The following PLXND1 variants were observed in gnomAD, a reference collection of about 807,000 sequenced individuals.
PLXND1 encodes the protein plexin-D1.
Under a neutral mutation model 197.7 loss-of-function variants are expected in PLXND1, and 54 were observed. That is an observed-to-expected ratio of 0.27 (90% confidence interval 0.22 to 0.34). The LOEUF is 0.34. Ranked by LOEUF, PLXND1 falls within the 10% of genes least tolerant of loss-of-function variation. The probability of loss-of-function intolerance (pLI) is 1.00; values close to 1 mark genes in which losing one functional copy is unlikely to be tolerated. For missense variants in PLXND1, 2,127 were observed against 2,699.2 expected (o/e 0.79, Z 4.70); for synonymous variants, 1,180 against 1,161.2 (o/e 1.02, Z -0.33).
At chr3:129,556,475 C>T (rs1189804661) in intron 35 of PLXND1, 47 bp from the exon 36 acceptor site, 1 of 1,507,402 alleles carries the variant, frequency 6.6e-7, no homozygotes, top group Admixed American at 1.7e-5. Flanking sequence ...GTAGCCCTGC[C>T]TCAGTTCGTG....
Position 129,578,374 on chromosome 3 carries a change from G to C in PLXND1, c.2301C>G (p.Gly767=). 1 of 1,607,518 alleles carries C rather than the reference G, an allele frequency of 6.2e-7. No homozygotes were observed. Among genetic ancestry groups the C allele is most frequent in the South Asian group, 1.1e-5 (1 of 89,234 alleles). The change falls in exon 9 of 36, where the codon GGC becomes GGG. Residue 767 remains glycine (G), a synonymous_variant. Coordinates refer to ENST00000324093, the MANE Select transcript of PLXND1 (RefSeq NM_015103.3). The stretch of plus-strand genomic sequence containing the variant: ...CCAGAGGCACCAGGATGTTCTGGGA[G>C]CCACCCGTAGGCACGGGTGCCAGGG... ...LSPLAPVPTG[G]SQNILVPLAN... is the part of the protein sequence containing the mutation.
In PLXND1 at chr3:129,567,767, G is replaced by A; in HGVS notation, c.3904C>T (p.Arg1302Cys). 1 of 1,613,314 alleles carries A rather than the reference G, an allele frequency of 6.2e-7. No homozygotes were observed. The highest frequency in any genetic ancestry group is 8.5e-7 in the Non-Finnish European group (1 of 1,179,282). ...TGCAGCAGCGTCTTCTGCCAGTAAC[G>A]CTCAGCACGTCGGCTCTTGGTACAG... ...VFCTKSRRAE[R>C]YWQKTLLQME... is the part of the protein sequence containing the mutation. Residue 1302 changes from arginine to cysteine, a missense_variant, in exon 21 of 36, where the codon CGT becomes TGT. Arg to Cys is a radical substitution (Grantham distance 180). Around this residue, in one of 6 missense-constraint regions of PLXND1, gnomAD observed 532 missense variants for 811.0 expected, o/e 0.66. Transcript: ENST00000324093.
Position 129,565,891 on chromosome 3 carries a change from C to T in PLXND1, c.4318G>A (p.Asp1440Asn), listed in dbSNP as rs747176885. ...LEQQKDFAVR[D>N]RCSLASLLTI... is the part of the protein sequence containing the mutation. ...CCCAGTCTGTCACAGCCTGACCTGT[C>T]GCGCACCGCAAAGTCCTTCTGCTGC... The change falls in exon 24 of 36, where the codon GAC becomes AAC. Residue 1440 changes from aspartate (D) to asparagine (N), a missense_variant. Physicochemically the swap from Asp to Asn is conservative, Grantham distance 23 (BLOSUM62 1). Coordinates refer to ENST00000324093, the MANE Select transcript of PLXND1 (RefSeq NM_015103.3). 1.9e-6 allele frequency: 3 copies of T among 1,613,992 alleles called. No homozygotes were observed. Among genetic ancestry groups the T allele is most frequent in the Admixed American group, 1.7e-5 (1 of 60,014 alleles).
In PLXND1 at chr3:129,606,674, C is replaced by T; in HGVS notation, c.-35G>A. 1.1e-6 allele frequency: 1 copy of T among 883,042 alleles called. No individual in the cohort carries two copies. Among genetic ancestry groups the T allele is most frequent in the Non-Finnish European group, 1.4e-6 (1 of 737,226 alleles). 54.7% of individuals were successfully genotyped at this position (883,042 alleles called of 1,614,324 possible). A position where few individuals can be genotyped will look rare whatever the true frequency, so the allele number is the denominator to read the frequency against. ...CGCGGGCTGCGCGGCGCGGCGAGTG[C>T]ATGGGGCGAGGCGCGGCCGGGAGCC... On this transcript the variant is annotated 5_prime_UTR_variant, in exon 1 of 36. An upstream start codon of the reference 5' UTR is lost. Coordinates refer to ENST00000324093, the MANE Select transcript of PLXND1 (RefSeq NM_015103.3).
rs532359808 is a variant in PLXND1 at position 129,557,302 on chromosome 3, C to A, written c.5446-79G>T. On this transcript the variant is annotated intron_variant, in intron 33 of 35. Coordinates refer to ENST00000324093, the MANE Select transcript of PLXND1 (RefSeq NM_015103.3). This position sits in a 1 kb window ranked among gnomAD's most constrained non-coding sequence, Gnocchi z 4.8. Reference sequence around the variant, plus strand: ...GGTCGTTTTCTGGATGAGCCCTCATCCCTCCTGCCACATAAGTGACCTTAG... The same window carrying A: ...GGTCGTTTTCTGGATGAGCCCTCATACCTCCTGCCACATAAGTGACCTTAG... The A allele has an allele frequency of 2.1e-5, 32 of 1,532,554 alleles. No homozygotes were observed. Among genetic ancestry groups the A allele is most frequent in the Non-Finnish European group, 2.9e-5 (32 of 1,114,440 alleles). The allele number at this position is 1,532,554 out of a possible 1,614,324, so 94.9% of individuals were successfully genotyped here. A position where few individuals can be genotyped will look rare whatever the true frequency, so the allele number is the denominator to read the frequency against.
chr3:129,595,921 G>GCGCACACACA lies in PLXND1; in HGVS notation c.1312-6395_1312-6394insTGTGTGTGCG, dbSNP rs138452605. ...CTTACAGCCCTGGGGGTGCACGCAC[G>GCGCACACACA]CACACACACACACACACACACACAC... On this transcript the variant is annotated intron_variant, in intron 1 of 35. Transcript: ENST00000324093. Among the ~76,000 whole-genome samples the GCGCACACACA allele has an allele frequency of 2.4e-3, 357 of 146,506 alleles. 4 individuals are homozygous for GCGCACACACA. The East Asian group carries it at 0.047, about 19-fold the overall frequency.
chr3:129,583,541 C>T (rs759111158), intron 8 of PLXND1, 26 bp downstream of exon 8: 58 of 1,487,432 alleles, frequency 3.9e-5, no homozygotes, highest in Middle Eastern at 1.7e-4. Context: ...ACAGCAGAGG[C>T]GGAGGGGCCC....
At chr3:129,583,973 G>A (rs2085421068) in intron 7 of PLXND1, 152 bp downstream of exon 7, 2 of 642,754 alleles carry the variant, frequency 3.1e-6, no homozygotes, top group South Asian at 3.6e-5. Flanking sequence ...ATTGTAGAAT[G>A]AATAAATGTG....
intron 29 of PLXND1, among the ~76,000 whole-genome samples, chr3:129,561,241 G>A (rs936937379): frequency 3.3e-5 from 5 of 152,198 alleles, no homozygotes; most frequent in African/African-American, 1.2e-4. Flanking sequence ...AGGGGACCCC[G>A]AGACCCAGAG....
chr3:129,580,960 C>T (rs910277032), intron 8 of PLXND1, among the ~76,000 whole-genome samples: 4 of 152,236 alleles, frequency 2.6e-5, no homozygotes, highest in African/African-American at 9.6e-5. Flanking sequence ...ATCCCTCAGG[C>T]ACCTGCAAAC....
At chr3:129,601,426 C>T (rs2085706584) in intron 1 of PLXND1, among the ~76,000 whole-genome samples, 1 of 152,152 alleles carries the variant, frequency 6.6e-6, no homozygotes. Flanking sequence ...GTGGGCGGCT[C>T]AAGGGATTCC....
rs193109180 is a variant in PLXND1, at chr3:129,588,645, G to C, written c.1488+706C>G. ...GTGATCAGATCTGAGCAGTTAGGCCGGGCCTGGTGCATGAATAGAGTGGTG... is the reference window on the plus strand; with the variant it reads ...GTGATCAGATCTGAGCAGTTAGGCCCGGCCTGGTGCATGAATAGAGTGGTG... On this transcript the variant is annotated intron_variant, in intron 2 of 35. Transcript: ENST00000324093. 7.9e-3 allele frequency among the ~76,000 whole-genome samples: 1,197 copies of C among 152,368 alleles called. 11 individuals are homozygous for C. Among genetic ancestry groups the C allele is most frequent in the Non-Finnish European group, 0.013 (897 of 68,034 alleles).
At chr3:129,560,528 G>C in intron 30 of PLXND1, 94 bp from the exon 31 acceptor site, 1 of 1,000,102 alleles carries the variant, frequency 1.0e-6, no homozygotes, top group Non-Finnish European at 1.6e-6. Flanking sequence ...AGCACACAAG[G>C]GCTGTGGTTC....
At chr3:129,591,043 A>T (rs577572585) in intron 1 of PLXND1, among the ~76,000 whole-genome samples, 3 of 152,390 alleles carry the variant, frequency 2.0e-5, no homozygotes, top group African/African-American at 7.2e-5. Flanking sequence ...TTCAAAAGAA[A>T]GCAATAAATA....
chr3:129,565,598 G>T, intron 24 of PLXND1, 60 bp from the exon 25 acceptor site: 1 of 1,441,118 alleles, frequency 6.9e-7, no homozygotes, highest in South Asian at 1.2e-5. Context: ...TGGGTCCCAG[G>T]GTCTCAGTGC....
Position 129,603,107 on chromosome 3 carries a change from A to G in PLXND1, c.1311+2222T>C, listed in dbSNP as rs114891772. On this transcript the variant is annotated intron_variant, in intron 1 of 35. Coordinates refer to ENST00000324093, the MANE Select transcript of PLXND1 (RefSeq NM_015103.3). ...GGGACCTTGAGCACCTCTGGGAGAT[A>G]CTGCCAAGTGGCACTGGCCTGTGCC... Among the ~76,000 whole-genome samples, 553 of 152,332 alleles carry G rather than the reference A, an allele frequency of 3.6e-3. 6 individuals carry two copies. Among genetic ancestry groups the G allele is most frequent in the African/African-American group, 0.012 (514 of 41,578 alleles).
chr3:129,587,642 C>T (rs1435320326), intron 2 of PLXND1, among the ~76,000 whole-genome samples: 1 of 152,212 alleles, frequency 6.6e-6, no homozygotes, highest in Non-Finnish European at 1.5e-5. Flanking sequence ...GCTCCCAAAC[C>T]CTTCATGGCT....
At position 129,563,136 on chromosome 3, in the gene PLXND1, AC is replaced by A; in HGVS notation, c.4625del (p.Ser1542MetfsTer17). On this transcript the variant is annotated frameshift_variant, in exon 26 of 36. Transcript: ENST00000324093. LOFTEE classifies it high-confidence loss of function. ...TGTTCTCCCGCAGCAGCCACTCCTC[AC>A]TGAGTGTGTAGCGGGCCTTGCCTGT... The part of the protein sequence containing the change: ...AITGKARYTL[S>X]EEWLLRENIE... 1 of 1,613,562 alleles carries A rather than the reference AC, an allele frequency of 6.2e-7. No homozygotes were observed. Among genetic ancestry groups the A allele is most frequent in the Non-Finnish European group, 8.5e-7 (1 of 1,179,746 alleles).
At chr3:129,566,038 G>C (rs199984391) in intron 23 of PLXND1, 21 bp from the exon 24 acceptor site, 12 of 1,613,636 alleles carry the variant, frequency 7.4e-6, no homozygotes, top group Non-Finnish European at 1.0e-5. Flanking sequence ...AACTGGTGAT[G>C]GGGTGTCCAG....
Sources: gnomAD v4.1 joint callset for allele counts (sites outside exome capture counted in the v4.1 genomes callset) on GRCh38, gnomAD v4.1.1 for gene constraint, gnomAD v4.1.1 regional missense constraint, Gnocchi (gnomAD v3.1) non-coding constraint, MANE v1.5 for transcripts, NCBI Gene and HGNC (gene_info 2026-07-23, HGNC 2026-07-21) for gene names.